Variants in CNTNAP2 observed in about 807,000 individuals in gnomAD.
CNTNAP2 encodes contactin associated protein 2, also known as contactin-associated protein-like 2.
In CNTNAP2, 98 loss-of-function variants were observed where a neutral mutation model predicts 155.2. That is an observed-to-expected ratio of 0.63 (90% CI 0.54 to 0.75). CNTNAP2 has a LOEUF of 0.75. CNTNAP2 is among the 30% of genes least tolerant of loss of function. The pLI is 0.00. For synonymous variants in CNTNAP2, 651 were observed against 631.2 expected (o/e 1.03, Z -0.47); for missense variants, 1,727 against 1,688.1 (o/e 1.02, Z -0.40).
intron 11 of CNTNAP2, among the ~76,000 whole-genome samples, chr7:147,518,051 C>A (rs1446832799): frequency 1.3e-5 from 2 of 152,132 alleles, no homozygotes; most frequent in African/African-American, 2.4e-5. Context: ...CCCACCTCAC[C>A]GTGTCTGTTT....
At chr7:146,823,181 A>G (rs1484907927) in intron 2 of CNTNAP2, among the ~76,000 whole-genome samples, 1 of 148,590 alleles carries the variant, frequency 6.7e-6, no homozygotes, top group African/African-American at 2.5e-5. Flanking sequence ...GCATATTTAC[A>G]TGGAAATATA....
rs1795117452 is a variant in CNTNAP2 at position 146,363,694 on chromosome 7, A to G, written c.97+246721A>G. Among the ~76,000 whole-genome samples the G allele has an allele frequency of 2.0e-5, 3 of 152,202 alleles. 1 individual carries two copies. In the South Asian group the frequency reaches 6.2e-4, roughly 31 times the overall value. ...CTAGATTACATTGTGGGATGTGTCCATGACCCTGAGAAGGGTTTTCATGAA... is the reference window on the plus strand; with the variant it reads ...CTAGATTACATTGTGGGATGTGTCCGTGACCCTGAGAAGGGTTTTCATGAA... On this transcript the variant is annotated intron_variant, in intron 1 of 23. Transcript: ENST00000361727.
chr7:147,254,513 G>A (rs1488024113), intron 8 of CNTNAP2, among the ~76,000 whole-genome samples: 1 of 151,654 alleles, frequency 6.6e-6, no homozygotes, highest in Non-Finnish European at 1.5e-5. Context: ...TTTTTTGGTT[G>A]ATTTTTTTTT....
intron 13 of CNTNAP2, chr7:147,897,213 C>T (rs1183576592): frequency 6.6e-6 from 1 of 152,210 alleles, no homozygotes; most frequent in Non-Finnish European, 1.5e-5. Context: ...GGGCCACACA[C>T]AGCTCTCTGA....
At chr7:147,783,515 A>T (rs1797688603) in intron 13 of CNTNAP2, among the ~76,000 whole-genome samples, 1 of 152,204 alleles carries the variant, frequency 6.6e-6, no homozygotes, top group Non-Finnish European at 1.5e-5. Context: ...AAAGTGCCAC[A>T]AACTGGGTGC....
intron 13 of CNTNAP2, among the ~76,000 whole-genome samples, chr7:147,651,393 CAACACCTGGAAGAGTGTTTTTTTGAAT>C (rs1372119889): frequency 6.6e-6 from 1 of 152,234 alleles, no homozygotes; most frequent in Non-Finnish European, 1.5e-5. Flanking sequence ...GCCTATGCAG[CAACACCTGGAAGAGTGTTTTTTTGAAT>C]AACTGGACCC....
chr7:147,151,672 G>C (rs1801828717), intron 8 of CNTNAP2, among the ~76,000 whole-genome samples: 1 of 151,270 alleles, frequency 6.6e-6, no homozygotes, highest in Non-Finnish European at 1.5e-5. Flanking sequence ...TTTTCTAAAG[G>C]GTAAAAACAA....
At chr7:146,329,648 C>T (rs1278027977) in intron 1 of CNTNAP2, among the ~76,000 whole-genome samples, 1 of 152,164 alleles carries the variant, frequency 6.6e-6, no homozygotes, top group Non-Finnish European at 1.5e-5. Flanking sequence ...GTCAGTTTCT[C>T]TACTCTCTTG....
intron 1 of CNTNAP2, among the ~76,000 whole-genome samples, chr7:146,248,586 G>A (rs1278543110): frequency 6.6e-6 from 1 of 152,182 alleles, no homozygotes; most frequent in South Asian, 2.1e-4. Context: ...AGAGATTGAC[G>A]TGTGGCGCCA....
intron 1 of CNTNAP2, among the ~76,000 whole-genome samples, chr7:146,599,670 G>A (rs1000956861): frequency 6.6e-6 from 1 of 151,698 alleles, no homozygotes; most frequent in Non-Finnish European, 1.5e-5. Flanking sequence ...TCAGCTTTTT[G>A]GTTGCTTGTG....
chr7:147,431,050 C>CA (rs34150647), intron 10 of CNTNAP2, among the ~76,000 whole-genome samples: 1,278 of 123,972 alleles, frequency 0.01, 18 homozygotes, highest in African/African-American at 0.033. Context: ...GACTCCATCT[C>CA]AAAAAAAAAA....
intron 13 of CNTNAP2, among the ~76,000 whole-genome samples, chr7:147,751,580 C>A (rs1005551173): frequency 6.6e-6 from 1 of 152,102 alleles, no homozygotes; most frequent in Non-Finnish European, 1.5e-5. Context: ...CCCTTAACAC[C>A]AAGATCAAGA....
At chr7:148,273,944 T>C (rs1796826668) in intron 21 of CNTNAP2, among the ~76,000 whole-genome samples, 1 of 152,184 alleles carries the variant, frequency 6.6e-6, no homozygotes. Flanking sequence ...TCTGGAGCTT[T>C]GGCAAAGCCT....
At chr7:147,967,693 A>G (rs1801245418) in intron 14 of CNTNAP2, among the ~76,000 whole-genome samples, 2 of 152,174 alleles carry the variant, frequency 1.3e-5, no homozygotes, top group Non-Finnish European at 2.9e-5. Flanking sequence ...AGGACTACAA[A>G]GTCTTGTCCT....
At chr7:146,316,486 A>G (rs944966137) in intron 1 of CNTNAP2, among the ~76,000 whole-genome samples, 1 of 152,078 alleles carries the variant, frequency 6.6e-6, no homozygotes, top group African/African-American at 2.4e-5. Context: ...GGTTATTTAG[A>G]TAAAAGACTT....
At chr7:147,382,574 A>G (rs1796553647) in intron 9 of CNTNAP2, among the ~76,000 whole-genome samples, 1 of 152,176 alleles carries the variant, frequency 6.6e-6, no homozygotes, top group Non-Finnish European at 1.5e-5. Flanking sequence ...AAAATGGAGG[A>G]GTCAAACTAA....
chr7:147,393,499 A>C (rs1022774153), intron 9 of CNTNAP2, among the ~76,000 whole-genome samples: 3 of 151,630 alleles, frequency 2.0e-5, no homozygotes, highest in Non-Finnish European at 2.9e-5. Flanking sequence ...AAAAAAAAAA[A>C]CAGAAACAAA....
At chr7:147,192,315 T>C (rs1802696270) in intron 8 of CNTNAP2, among the ~76,000 whole-genome samples, 1 of 125,148 alleles carries the variant, frequency 8.0e-6, no homozygotes, top group Admixed American at 8.2e-5. Context: ...GTGATCCTTC[T>C]CTTTTTTAAT....
chr7:147,463,958 T>TAAA (rs34032978), intron 10 of CNTNAP2, among the ~76,000 whole-genome samples: 2,181 of 82,732 alleles, frequency 0.026, 199 homozygotes, highest in African/African-American at 0.088. Flanking sequence ...GCCCCACTAC[T>TAAA]AAAAAAAAAA....
Sources: allele counts gnomAD v4.1 joint callset (sites outside exome capture counted in the v4.1 genomes callset), GRCh38; gene constraint gnomAD v4.1.1; transcripts MANE v1.5; gene names NCBI Gene and HGNC (gene_info 2026-07-23, HGNC 2026-07-21).